Variants in BRINP3 observed in about 807,000 individuals in gnomAD.
BRINP3 encodes the protein BMP/retinoic acid-inducible neural-specific protein 3.
BRINP3 carries 19 observed loss-of-function variants against 71.0 expected under a neutral mutation model. That is an observed-to-expected ratio of 0.27 (90% CI 0.19 to 0.39). The LOEUF (loss-of-function observed/expected upper bound fraction) is 0.39, where lower values mean the gene tolerates loss of function less well. Ranked by LOEUF, BRINP3 falls within the 10% of genes least tolerant of loss-of-function variation. The pLI, the probability that BRINP3 is intolerant of heterozygous loss-of-function variation, is 1.00. For synonymous variants in BRINP3, 380 were observed against 337.7 expected, an observed-to-expected ratio of 1.13 and a Z score of -1.37; for missense variants, 959 against 940.8, an observed-to-expected ratio of 1.02 and a Z score of -0.25.
chr1:190,239,796 A>G (rs758759624), intron 4 of BRINP3, among the ~76,000 whole-genome samples: 3 of 152,172 alleles, frequency 2.0e-5, no homozygotes, highest in South Asian at 2.1e-4. Flanking sequence ...CATATGTAAT[A>G]AAATGCAAAT....
At chr1:190,474,674 C>A (rs547835813) in intron 1 of BRINP3, 1 of 152,244 alleles carries the variant, frequency 6.6e-6, no homozygotes, top group African/African-American at 2.4e-5. Context: ...AGTGCCTACA[C>A]GGCGTTTCCC....
At chr1:190,462,561 A>T (rs1485934745) in intron 1 of BRINP3, among the ~76,000 whole-genome samples, 1 of 152,168 alleles carries the variant, frequency 6.6e-6, no homozygotes, top group South Asian at 2.1e-4. Context: ...CTCCCTGACT[A>T]CCTGTGAGAA....
At chr1:190,369,672 G>T in intron 2 of BRINP3, among the ~76,000 whole-genome samples, 1 of 151,618 alleles carries the variant, frequency 6.6e-6, no homozygotes, top group Non-Finnish European at 1.5e-5. Context: ...GTATGTTCTT[G>T]TGTTTTTTTA....
intron 3 of BRINP3, among the ~76,000 whole-genome samples, chr1:190,272,166 C>T (rs537102641): frequency 3.3e-5 from 5 of 151,526 alleles, no homozygotes; most frequent in South Asian, 2.1e-4. Flanking sequence ...TTACTTCTGT[C>T]GTGAAGAATA....
chr1:190,167,891 C>G lies in BRINP3; in HGVS notation c.962-7001G>C, dbSNP rs115757945. Among the ~76,000 whole-genome samples, 850 of 152,176 alleles carry G rather than the reference C, an allele frequency of 5.6e-3. 4 individuals are homozygous for G. The highest frequency in any genetic ancestry group is 0.011 in the South Asian group (54 of 4,812). ...GCTCATTTTTTATTGGAGGAAAAAG[C>G]ATTAAATGCATGGGTAAAAGGAATG... is the stretch of plus-strand genomic sequence containing the variant. On this transcript the variant is annotated intron_variant, in intron 6 of 7. Transcript: ENST00000367462.
At chr1:190,229,871 A>T (rs1381224933) in intron 5 of BRINP3, among the ~76,000 whole-genome samples, 1 of 152,074 alleles carries the variant, frequency 6.6e-6, no homozygotes, top group African/African-American at 2.4e-5. Context: ...AACATATAAA[A>T]AGACAAGGGA....
chr1:190,122,569 G>A (rs920274724), intron 7 of BRINP3, among the ~76,000 whole-genome samples: 1 of 133,602 alleles, frequency 7.5e-6, no homozygotes, highest in Non-Finnish European at 1.6e-5. Flanking sequence ...CCTTCAGAGG[G>A]TAAAGTGGGG....
At chr1:190,318,590 AT>A (rs1666036691) in intron 2 of BRINP3, among the ~76,000 whole-genome samples, 1 of 152,074 alleles carries the variant, frequency 6.6e-6, no homozygotes, top group African/African-American at 2.4e-5. Flanking sequence ...AAAGGTTTTG[AT>A]TATTATAATG....
At chr1:190,419,951 T>C (rs1454303578) in intron 2 of BRINP3, among the ~76,000 whole-genome samples, 1 of 152,006 alleles carries the variant, frequency 6.6e-6, no homozygotes, top group Admixed American at 6.6e-5. Flanking sequence ...TGAGAGGTTA[T>C]ACAAATATCA....
In BRINP3 at chr1:190,301,232, T is replaced by TAC. The variant is rs1558160817; in HGVS notation, c.237-19483_237-19482insGT. ...ATATATATATATATATATATATATATATACACACATACATATATATATATA... is the reference window on the plus strand; with the variant it reads ...ATATATATATATATATATATATATATACATACACACATACATATATATATATA... On this transcript the variant is annotated intron_variant, in intron 2 of 7. Coordinates refer to ENST00000367462, the MANE Select transcript of BRINP3 (RefSeq NM_199051.3). 2.2e-5 allele frequency among the ~76,000 whole-genome samples: 3 copies of TAC among 134,024 alleles called. 1 individual carries two copies. The highest frequency in any genetic ancestry group is 7.5e-5 in the Admixed American group (1 of 13,268). The allele number at this position is 134,024 out of a possible 152,430, so 87.9% of individuals were successfully genotyped here.
At chr1:190,182,997 G>A (rs1198088808) in intron 6 of BRINP3, among the ~76,000 whole-genome samples, 2 of 152,106 alleles carry the variant, frequency 1.3e-5, no homozygotes, top group African/African-American at 4.8e-5. Context: ...AAATTGAGGG[G>A]GGTTTTGGAA....
intron 7 of BRINP3, among the ~76,000 whole-genome samples, chr1:190,138,933 G>A (rs1655197096): frequency 6.6e-6 from 1 of 152,144 alleles, no homozygotes; most frequent in African/African-American, 2.4e-5. Flanking sequence ...CAAAACTGGA[G>A]TTCCACAATA....
intron 2 of BRINP3, among the ~76,000 whole-genome samples, chr1:190,406,204 G>C (rs947769098): frequency 3.3e-5 from 5 of 152,258 alleles, no homozygotes; most frequent in African/African-American, 1.2e-4. Context: ...TGGATATACA[G>C]GCTATCTCAG....
At chr1:190,312,059 A>ATG (rs1665568724) in intron 2 of BRINP3, among the ~76,000 whole-genome samples, 1 of 140,798 alleles carries the variant, frequency 7.1e-6, no homozygotes, top group Non-Finnish European at 1.6e-5. Context: ...ATATATATAT[A>ATG]TATATATATA....
In BRINP3 at chr1:190,098,007, G is replaced by GA; in HGVS notation, c.*10dup. 2 of 1,585,852 alleles carry GA rather than the reference G, an allele frequency of 1.3e-6. No individual in the cohort carries two copies. On this transcript the variant is annotated 3_prime_UTR_variant, in exon 8 of 8. Transcript: ENST00000367462. Reference sequence around the variant, plus strand: ...TCCTTCAAGATTTTGGGTTGTGCTTGACATTTATGGTTAACTACATAATTT... The same window carrying GA: ...TCCTTCAAGATTTTGGGTTGTGCTTGAACATTTATGGTTAACTACATAATTT...
chr1:190,365,885 G>T (rs1571871130), intron 2 of BRINP3, among the ~76,000 whole-genome samples: 1 of 142,404 alleles, frequency 7.0e-6, no homozygotes, highest in South Asian at 2.2e-4. Context: ...TGAGAGATAA[G>T]AAAAAATATC....
chr1:190,179,602 T>A (rs992187080), intron 6 of BRINP3, among the ~76,000 whole-genome samples: 11 of 152,162 alleles, frequency 7.2e-5, no homozygotes, highest in African/African-American at 2.7e-4. Context: ...TTATTTTAAA[T>A]TATTAAAATG....
intron 7 of BRINP3, among the ~76,000 whole-genome samples, chr1:190,146,592 T>C (rs1297618471): frequency 6.6e-6 from 1 of 152,100 alleles, no homozygotes; most frequent in East Asian, 1.9e-4. Flanking sequence ...AAGAGATTCA[T>C]TTTCATAATA....
At chr1:190,108,825 G>A (rs924497684) in intron 7 of BRINP3, among the ~76,000 whole-genome samples, 5 of 151,570 alleles carry the variant, frequency 3.3e-5, no homozygotes, top group Non-Finnish European at 2.9e-5. Context: ...AGTCTCTTTG[G>A]ATGATATCAG....
Sources: gnomAD v4.1 joint callset for allele counts (sites outside exome capture counted in the v4.1 genomes callset) on GRCh38, gnomAD v4.1.1 for gene constraint, MANE v1.5 for transcripts, NCBI Gene and HGNC (gene_info 2026-07-23, HGNC 2026-07-21) for gene names.